The following DNMT1 variants were observed in gnomAD, a reference collection of about 807,000 sequenced individuals.
DNMT1 encodes DNA methyltransferase 1.
In DNMT1, 24 loss-of-function variants were observed where a neutral mutation model predicts 205.3. The ratio of observed to expected loss-of-function variants is 0.12; its 90% CI spans 0.08 to 0.16. DNMT1 has a LOEUF of 0.16. Ranked by LOEUF, DNMT1 falls within the 10% of genes least tolerant of loss-of-function variation. The probability of loss-of-function intolerance (pLI) is 1.00; values close to 1 mark genes in which losing one functional copy is unlikely to be tolerated. For synonymous variants in DNMT1, 817 were observed against 839.8 expected, an observed-to-expected ratio of 0.97 and a Z score of 0.47; for missense variants, 1,293 against 2,177.7, an observed-to-expected ratio of 0.59 and a Z score of 8.09.
chr19:10,155,453 A>G (rs185162301), intron 19 of DNMT1, among the ~76,000 whole-genome samples: 49 of 151,888 alleles, frequency 3.2e-4, no homozygotes, highest in African/African-American at 1.1e-3. Context: ...TTCTCCTGCC[A>G]TAGCCTCCCA....
rs552339191 is a variant in DNMT1, at chr19:10,143,289, A to G, written c.3116+477T>C. On this transcript the variant is annotated intron_variant, in intron 29 of 40. Coordinates refer to ENST00000359526, the MANE Select transcript of DNMT1 (RefSeq NM_001130823.3). ...GAGTGCAGTGGTGGGATCATGGCTC[A>G]CTACAGCCTCAAATTCCTGGGTTTC... 2.2e-3 allele frequency among the ~76,000 whole-genome samples: 340 copies of G among 152,006 alleles called. 1 individual carries two copies. Among genetic ancestry groups the G allele is most frequent in the African/African-American group, 7.9e-3 (329 of 41,454 alleles).
At position 10,159,254 on chromosome 19, in the gene DNMT1, C is replaced by T. The variant is rs930097922; in HGVS notation, c.1280+404G>A. 6.6e-6 allele frequency among the ~76,000 whole-genome samples: 1 copy of T among 152,202 alleles called. No individual in the cohort carries two copies. Among genetic ancestry groups the T allele is most frequent in the African/African-American group, 2.4e-5 (1 of 41,448 alleles). On this transcript the variant is annotated intron_variant, in intron 17 of 40. Coordinates refer to ENST00000359526, the MANE Select transcript of DNMT1 (RefSeq NM_001130823.3). The surrounding 1 kb of genome is among the most constrained non-coding windows in gnomAD (Gnocchi z 5.0). Reference sequence around the variant, plus strand: ...TCTTTGAGACGGAGTCTTGCTCTGTCGCCCAGGCTGGAATGCAGTGGCACC... The same window carrying T: ...TCTTTGAGACGGAGTCTTGCTCTGTTGCCCAGGCTGGAATGCAGTGGCACC...
chr19:10,163,290 A>G, intron 12 of DNMT1, 36 bp downstream of exon 12: 1 of 1,612,550 alleles, frequency 6.2e-7, no homozygotes, highest in South Asian at 1.1e-5. Flanking sequence ...CTACTGATCC[A>G]GATGACACAA....
intron 1 of DNMT1, among the ~76,000 whole-genome samples, chr19:10,185,970 C>T (rs2039171430): frequency 6.6e-6 from 1 of 152,030 alleles, no homozygotes; most frequent in South Asian, 2.1e-4. Flanking sequence ...GTCAGGAGGG[C>T]TACAGAAACT....
chr19:10,178,942 T>C (rs1019098458), intron 5 of DNMT1, among the ~76,000 whole-genome samples: 17 of 150,682 alleles, frequency 1.1e-4, no homozygotes, highest in Admixed American at 6.6e-4. Flanking sequence ...CTGGCTAATA[T>C]GGTGAAATCC....
chr19:10,170,323 C>T (rs2038789376), intron 9 of DNMT1, among the ~76,000 whole-genome samples: 1 of 151,754 alleles, frequency 6.6e-6, no homozygotes, highest in African/African-American at 2.4e-5. Context: ...AGACCAACCT[C>T]AAGTACTGAA....
In DNMT1 at chr19:10,138,969, G is replaced by A. The variant is rs970149883; in HGVS notation, c.3949-364C>T. Among the ~76,000 whole-genome samples, 2 of 152,208 alleles carry A rather than the reference G, an allele frequency of 1.3e-5. No individual in the cohort carries two copies. Among genetic ancestry groups the A allele is most frequent in the Non-Finnish European group, 2.9e-5 (2 of 68,032 alleles). On this transcript the variant is annotated intron_variant, in intron 34 of 40. Coordinates refer to ENST00000359526, the MANE Select transcript of DNMT1 (RefSeq NM_001130823.3). This position sits in a 1 kb window ranked among gnomAD's most constrained non-coding sequence, Gnocchi z 4.1. ...GGCTGTGGTCACAAGGACAGAGAAC[G>A]TGGCTGCAACAAGTCTTGTCTGGTG...
Position 10,156,206 on chromosome 19 carries a change from A to G in DNMT1, c.1399+185T>C, listed in dbSNP as rs912209178. On this transcript the variant is annotated intron_variant, in intron 18 of 40. Transcript: ENST00000359526. The surrounding 1 kb of genome is among the most constrained non-coding windows in gnomAD (Gnocchi z 4.2). ...ATAAGTATATATGTATACTATATATATATGCTATATATTTTTTTTTAATAG... is the reference window on the plus strand; with the variant it reads ...ATAAGTATATATGTATACTATATATGTATGCTATATATTTTTTTTTAATAG... Among the ~76,000 whole-genome samples the G allele has an allele frequency of 2.3e-4, 34 of 150,774 alleles. No homozygotes were observed. Among genetic ancestry groups the G allele is most frequent in the African/African-American group, 7.8e-4 (32 of 41,092 alleles).
At chr19:10,189,055 A>G (rs1387974686) in intron 1 of DNMT1, among the ~76,000 whole-genome samples, 1 of 152,108 alleles carries the variant, frequency 6.6e-6, no homozygotes, top group Non-Finnish European at 1.5e-5. Context: ...ATGTCCTTTA[A>G]GCCGGCAAGT....
intron 1 of DNMT1, among the ~76,000 whole-genome samples, chr19:10,188,608 G>A (rs1245610264): frequency 6.6e-6 from 1 of 152,058 alleles, no homozygotes; most frequent in African/African-American, 2.4e-5. Flanking sequence ...ATTACTTTAC[G>A]TGGCCAAAGC....
At chr19:10,150,809 G>A (rs946938295) in intron 24 of DNMT1, among the ~76,000 whole-genome samples, 11 of 152,152 alleles carry the variant, frequency 7.2e-5, no homozygotes, top group African/African-American at 2.2e-4. Context: ...CAAGCTATGA[G>A]GGGCCAGGCA....
chr19:10,183,989 G>A (rs939954454), intron 1 of DNMT1, among the ~76,000 whole-genome samples: 2 of 152,330 alleles, frequency 1.3e-5, no homozygotes, highest in South Asian at 4.1e-4. Flanking sequence ...GGGAGGTCGA[G>A]GCCACAGTGA....
At chr19:10,166,541 A>C in intron 11 of DNMT1, 57 bp downstream of exon 11, 1 of 1,609,252 alleles carries the variant, frequency 6.2e-7, no homozygotes, top group Non-Finnish European at 8.5e-7. Context: ...ACTCCCGCCC[A>C]AGCAAACAGG....
chr19:10,137,904 C>G lies in DNMT1; in HGVS notation c.4221G>C (p.Glu1407Asp), dbSNP rs367897930. The G allele has an allele frequency of 1.2e-6, 2 of 1,613,290 alleles. No individual in the cohort carries two copies. The highest frequency in any genetic ancestry group is 2.7e-5 in the African/African-American group (2 of 74,920). ...GCTGCCTCTGGAACCAGGACTGAGG[C>G]TCCCCGTTGTAGGAGATCTCCAGTG... ...ASALEISYNG[E>D]PQSWFQRQLR... Residue 1407 changes from glutamate to aspartate, a missense_variant, in exon 36 of 41, where the codon GAG becomes GAC. Glu to Asp is a conservative substitution (Grantham distance 45). Around this residue, in one of 13 missense-constraint regions of DNMT1, gnomAD observed 148 missense variants for 256.1 expected, o/e 0.58. Transcript: ENST00000359526. This position sits in a 1 kb window ranked among gnomAD's most constrained non-coding sequence, Gnocchi z 6.4.
intron 24 of DNMT1, among the ~76,000 whole-genome samples, chr19:10,150,695 C>T (rs540810212): frequency 1.3e-5 from 2 of 152,338 alleles, no homozygotes; most frequent in Admixed American, 1.3e-4. Context: ...AAGGAACTGA[C>T]CTTCAGTGAA....
At chr19:10,150,743 G>C (rs901406633) in intron 24 of DNMT1, among the ~76,000 whole-genome samples, 1 of 152,164 alleles carries the variant, frequency 6.6e-6, no homozygotes, top group Admixed American at 6.5e-5. Context: ...CCATCTGTTG[G>C]TGCCCCAAAA....
intron 5 of DNMT1, among the ~76,000 whole-genome samples, chr19:10,177,657 A>G (rs2038960813): frequency 6.6e-6 from 1 of 152,200 alleles, no homozygotes. Flanking sequence ...TGGGCCAGGC[A>G]CAGTGGCTCA....
chr19:10,138,403 T>C lies in DNMT1; in HGVS notation c.4115+36A>G, dbSNP rs369991149. 6 of 1,613,516 alleles carry C rather than the reference T, an allele frequency of 3.7e-6. No homozygotes were observed. The highest frequency in any genetic ancestry group is 4.2e-6 in the Non-Finnish European group (5 of 1,180,004). On this transcript the variant is annotated intron_variant, in intron 35 of 40. Coordinates refer to ENST00000359526, the MANE Select transcript of DNMT1 (RefSeq NM_001130823.3). The surrounding 1 kb of genome is among the most constrained non-coding windows in gnomAD (Gnocchi z 4.1). ...GGCCCCATGAGCTACTGAGGCCTGCTCGGCAGTGTGTGGAGGAGCGACGGG... is the reference window on the plus strand; with the variant it reads ...GGCCCCATGAGCTACTGAGGCCTGCCCGGCAGTGTGTGGAGGAGCGACGGG...
intron 9 of DNMT1, among the ~76,000 whole-genome samples, chr19:10,168,793 T>G (rs896451619): frequency 2.0e-5 from 3 of 152,224 alleles, no homozygotes; most frequent in Admixed American, 1.3e-4. Context: ...ATCTGAAAAG[T>G]AGCTCCAACT....
Sources: gnomAD v4.1 joint callset for allele counts (sites outside exome capture counted in the v4.1 genomes callset) on GRCh38, gnomAD v4.1.1 for gene constraint, gnomAD v4.1.1 regional missense constraint, Gnocchi (gnomAD v3.1) non-coding constraint, MANE v1.5 for transcripts, NCBI Gene and HGNC (gene_info 2026-07-23, HGNC 2026-07-21) for gene names.